The following AFP variants were observed in gnomAD, a reference collection of about 807,000 sequenced individuals.
AFP encodes the protein alpha-fetoprotein.
In AFP, 64 loss-of-function variants were observed where a neutral mutation model predicts 78.9. The observed-to-expected ratio is 0.81, with a 90% CI of 0.66 to 1.00. The LOEUF (loss-of-function observed/expected upper bound fraction) is 1.00, where lower values mean the gene tolerates loss of function less well. Among genes scored for constraint, AFP ranks in the 50% least tolerant of loss-of-function variants. The pLI, the probability that AFP is intolerant of heterozygous loss-of-function variation, is 0.00. For synonymous variants in AFP, 254 were observed against 243.8 expected, an observed-to-expected ratio of 1.04 and a Z score of -0.39; for missense variants, 689 against 703.8, an observed-to-expected ratio of 0.98 and a Z score of 0.24.
chr4:73,449,515 T>G (rs985406204), intron 9 of AFP, 48 bp downstream of exon 9: 9 of 1,605,420 alleles, frequency 5.6e-6, no homozygotes, highest in Non-Finnish European at 7.7e-6. Context: ...TGGATTGATA[T>G]CATCTGTTAA....
chr4:73,454,218 G>C (rs1168095970), intron 13 of AFP, among the ~76,000 whole-genome samples: 1 of 151,970 alleles, frequency 6.6e-6, no homozygotes, highest in Admixed American at 6.6e-5. Context: ...GATCAATTCA[G>C]CTAAATGGAT....
chr4:73,452,333 G>GA (rs1222438695), intron 11 of AFP, 68 bp from the exon 12 acceptor site: 9 of 1,346,070 alleles, frequency 6.7e-6, no homozygotes, highest in Non-Finnish European at 9.6e-6. Flanking sequence ...GCAGTTTTCT[G>GA]AAAAACTGAA....
intron 10 of AFP, 141 bp from the exon 11 acceptor site, chr4:73,450,474 G>T: frequency 8.6e-7 from 1 of 1,158,590 alleles, no homozygotes. Flanking sequence ...CTCAAAAGTT[G>T]GTTCAAATAC....
chr4:73,436,233 C>T lies in AFP; in HGVS notation c.-30C>T. 1 of 1,437,210 alleles carries T rather than the reference C, an allele frequency of 7.0e-7. No individual in the cohort carries two copies. Among genetic ancestry groups the T allele is most frequent in the Non-Finnish European group, 9.8e-7 (1 of 1,021,312 alleles). 89.0% of individuals were successfully genotyped at this position (1,437,210 alleles called of 1,614,324 possible). A position where few individuals can be genotyped will look rare whatever the true frequency, so the allele number is the denominator to read the frequency against. ...CATGATTTTCCATATTGTGCTTCCA[C>T]CACTGCCAATAACAAAATAACTAGC... On this transcript the variant is annotated 5_prime_UTR_variant, in exon 1 of 15. Coordinates refer to ENST00000395792, the MANE Select transcript of AFP (RefSeq NM_001134.3).
Position 73,450,092 on chromosome 4 carries a change from C to T in AFP, c.1248C>T (p.Cys416=), listed in dbSNP as rs200050605. 11 of 1,613,602 alleles carry T rather than the reference C, an allele frequency of 6.8e-6. No homozygotes were observed. The South Asian group carries it at 8.8e-5, about 13-fold the overall frequency. The change falls in exon 10 of 15, where the codon TGC becomes TGT. Residue 416 remains cysteine (C), a synonymous_variant. Coordinates refer to ENST00000395792, the MANE Select transcript of AFP (RefSeq NM_001134.3). The part of the protein sequence containing the change: ...QESQALAKRS[C]GLFQKLGEYY... ...GCCAAGCATTGGCAAAGCGAAGCTG[C>T]GGCCTCTTCCAGAAACTAGGAGAAT...
intron 13 of AFP, 25 bp downstream of exon 13, chr4:73,453,922 A>C: frequency 6.2e-7 from 1 of 1,613,232 alleles, no homozygotes; most frequent in Non-Finnish European, 8.5e-7. Flanking sequence ...TTTCATACTC[A>C]AAATACTTGC....
chr4:73,443,477 A>T, intron 6 of AFP, 33 bp downstream of exon 6: 2 of 1,520,822 alleles, frequency 1.3e-6, no homozygotes, highest in Non-Finnish European at 1.8e-6. Flanking sequence ...GAAGAGGGTG[A>T]GAGCTACAGA....
Position 73,443,424 on chromosome 4 carries a change from G to C in AFP, c.693G>C (p.Gly231=), listed in dbSNP as rs771479681. The C allele has an allele frequency of 1.2e-6, 2 of 1,611,926 alleles. No individual in the cohort carries two copies. The highest frequency in any genetic ancestry group is 1.3e-5 in the African/African-American group (1 of 74,848). The change falls in exon 6 of 15, where the codon GGG becomes GGC. Residue 231 remains glycine, a synonymous_variant. Transcript: ENST00000395792. ...CATGTGCAGTAATGAAAAATTTTGGGACCCGAACTTTCCAAGCCATGTAAG... is the reference window on the plus strand; with the variant it reads ...CATGTGCAGTAATGAAAAATTTTGGCACCCGAACTTTCCAAGCCATGTAAG... ...QHACAVMKNF[G]TRTFQAITVT...
chr4:73,438,651 A>G (rs1719579295), intron 3 of AFP, among the ~76,000 whole-genome samples: 2 of 152,170 alleles, frequency 1.3e-5, no homozygotes, highest in Admixed American at 1.3e-4. Flanking sequence ...TTGATATAAC[A>G]GCAATAGTAG....
chr4:73,442,535 T>G (rs1236751037), intron 5 of AFP, 107 bp downstream of exon 5: 7 of 1,353,796 alleles, frequency 5.2e-6, no homozygotes, highest in Admixed American at 1.7e-5. Flanking sequence ...GTATCGTTTT[T>G]GGAATAGAGA....
At chr4:73,451,346 A>C (rs1420226297) in intron 11 of AFP, among the ~76,000 whole-genome samples, 1 of 152,204 alleles carries the variant, frequency 6.6e-6, no homozygotes, top group Non-Finnish European at 1.5e-5. Context: ...AGTATCATAC[A>C]TAAGATTACA....
At chr4:73,446,769 C>T (rs1719841299) in intron 7 of AFP, among the ~76,000 whole-genome samples, 1 of 152,174 alleles carries the variant, frequency 6.6e-6, no homozygotes, top group African/African-American at 2.4e-5. Flanking sequence ...AATAGAAATA[C>T]ATATAGCAAC....
In AFP at chr4:73,452,417, G is replaced by A. The variant is rs1350232802; in HGVS notation, c.1445G>A (p.Gly482Glu). 2.5e-6 allele frequency: 4 copies of A among 1,613,810 alleles called. No individual in the cohort carries two copies. Among genetic ancestry groups the A allele is most frequent in the South Asian group, 1.1e-5 (1 of 91,048 alleles). ...CCTAACCAGGCTGACATTATTATCG[G>A]ACACTTATGTATCAGACATGAAATG... ...CGEGAADIII[G>E]HLCIRHEMTP... Residue 482 changes from glycine (G) to glutamate (E), a missense_variant, in exon 12 of 15, where the codon GGA (glycine) becomes GAA (glutamate). Coordinates refer to ENST00000395792, the MANE Select transcript of AFP (RefSeq NM_001134.3).
chr4:73,442,243 G>C, intron 4 of AFP, 53 bp from the exon 5 acceptor site: 1 of 1,536,312 alleles, frequency 6.5e-7, no homozygotes. Context: ...CCAAGCAGTA[G>C]TAGTCCTATT....
rs1234643954 is a variant in AFP at position 73,455,212 on chromosome 4, AT to A, written c.1786-22del. On this transcript the variant is annotated intron_variant, in intron 13 of 14. Transcript: ENST00000395792. ...GTATAATAATCCATTTCTTTATCTG[AT>A]TATGTTTATTCTTAATTTTCAGGGA... 3 of 1,580,288 alleles carry A rather than the reference AT, an allele frequency of 1.9e-6. No individual in the cohort carries two copies. The South Asian group carries it at 3.3e-5, about 17-fold the overall frequency.
intron 4 of AFP, 141 bp from the exon 5 acceptor site, chr4:73,442,155 G>T: frequency 1.1e-6 from 1 of 902,276 alleles, no homozygotes. Flanking sequence ...TTTCCCCTTA[G>T]GAACACAGTA....
intron 13 of AFP, among the ~76,000 whole-genome samples, chr4:73,454,299 A>G (rs1339451136): frequency 6.6e-6 from 1 of 151,968 alleles, no homozygotes; most frequent in African/African-American, 2.4e-5. Flanking sequence ...ATGTTTTTGA[A>G]CTCATTTAGA....
chr4:73,454,121 A>G (rs1720092879), intron 13 of AFP, among the ~76,000 whole-genome samples: 1 of 151,744 alleles, frequency 6.6e-6, no homozygotes, highest in Non-Finnish European at 1.5e-5. Flanking sequence ...TAGAATTAGT[A>G]ATTTTAATTT....
In AFP at chr4:73,442,276, A is replaced by G; in HGVS notation, c.483-20A>G. ...ATTTTTAGGTGTTTATAAATCTTCTAGCTCTATTTTATTTCACAGATTCAT... is the reference window on the plus strand; with the variant it reads ...ATTTTTAGGTGTTTATAAATCTTCTGGCTCTATTTTATTTCACAGATTCAT... On this transcript the variant is annotated intron_variant, in intron 4 of 14. Coordinates refer to ENST00000395792, the MANE Select transcript of AFP (RefSeq NM_001134.3). The G allele has an allele frequency of 1.9e-6, 3 of 1,609,454 alleles. No homozygotes were observed. The highest frequency in any genetic ancestry group is 1.7e-5 in the Admixed American group (1 of 59,854).
Sources: gnomAD v4.1 joint callset for allele counts (sites outside exome capture counted in the v4.1 genomes callset) on GRCh38, gnomAD v4.1.1 for gene constraint, MANE v1.5 for transcripts, NCBI Gene and HGNC (gene_info 2026-07-23, HGNC 2026-07-21) for gene names.